GADL1: variants seen among roughly 807,000 people sequenced by gnomAD.
The protein encoded by GADL1 is GAD like acidic amino acid decarboxylase 1, also known as acidic amino acid decarboxylase GADL1.
A neutral mutation model predicts 69.5 loss-of-function variants in GADL1; 71 were observed. That is an observed-to-expected ratio of 1.02 (90% confidence interval 0.84 to 1.25). The LOEUF (loss-of-function observed/expected upper bound fraction) is 1.25, where lower values mean the gene tolerates loss of function less well. GADL1 is among the 50% of genes most tolerant of loss of function. The pLI is 0.00. For missense variants in GADL1, 737 were observed against 631.8 expected, an observed-to-expected ratio of 1.17 and a Z score of -1.79; for synonymous variants, 254 against 214.4, an observed-to-expected ratio of 1.18 and a Z score of -1.62.
chr3:30,777,383 G>GGT (rs1696562000), intron 14 of GADL1, among the ~76,000 whole-genome samples: 1 of 152,156 alleles, frequency 6.6e-6, no homozygotes, highest in Non-Finnish European at 1.5e-5. Flanking sequence ...TGATTTTAAT[G>GGT]GTGCTAGCCC....
At chr3:30,873,247 C>A (rs1698518408) in intron 1 of GADL1, among the ~76,000 whole-genome samples, 1 of 151,800 alleles carries the variant, frequency 6.6e-6, no homozygotes, top group African/African-American at 2.4e-5. Context: ...TACAATGGAC[C>A]AGGTATTGGG....
chr3:30,798,090 G>GC (rs1231906123), intron 12 of GADL1: 2 of 152,114 alleles, frequency 1.3e-5, no homozygotes, highest in Admixed American at 6.6e-5. Context: ...CTTCCACACT[G>GC]CCTTTCCCTT....
At position 30,728,175 on chromosome 3, in the gene GADL1, T is replaced by G; in HGVS notation, c.*67A>C. 7.2e-7 allele frequency: 1 copy of G among 1,395,476 alleles called. No individual in the cohort carries two copies. Among genetic ancestry groups the G allele is most frequent in the South Asian group, 1.2e-5 (1 of 83,438 alleles). The allele number at this position is 1,395,476 out of a possible 1,614,324, so 86.4% of individuals were successfully genotyped here. On this transcript the variant is annotated 3_prime_UTR_variant, in exon 15 of 15. Transcript: ENST00000282538. ...GAAGGGCTGCAATCTACTGTGTATC[T>G]CCAAGATGTTCTGGATCTAAACTCT...
chr3:30,858,928 A>AGT (rs556516605), intron 2 of GADL1, among the ~76,000 whole-genome samples: 471 of 151,990 alleles, frequency 3.1e-3, no homozygotes, highest in African/African-American at 0.011. Flanking sequence ...GAATCCTAAG[A>AGT]GTTTAGTGCT....
chr3:30,803,918 C>T (rs1317108819), intron 11 of GADL1, among the ~76,000 whole-genome samples: 2 of 152,140 alleles, frequency 1.3e-5, no homozygotes, highest in African/African-American at 2.4e-5. Context: ...CAAAGAGAAG[C>T]ACCATATTTA....
chr3:30,831,143 ACT>A (rs1484318799), intron 11 of GADL1, among the ~76,000 whole-genome samples: 4 of 151,714 alleles, frequency 2.6e-5, no homozygotes, highest in South Asian at 2.1e-4. Context: ...TTTTCCAATA[ACT>A]CTTTTAGTTC....
intron 14 of GADL1, among the ~76,000 whole-genome samples, chr3:30,740,744 A>G (rs894674288): frequency 6.6e-6 from 1 of 151,304 alleles, no homozygotes; most frequent in East Asian, 1.9e-4. Flanking sequence ...TGTTCTTTGT[A>G]TATTTTTGTT....
At chr3:30,861,067 C>T (rs756850147) in intron 2 of GADL1, among the ~76,000 whole-genome samples, 15 of 151,858 alleles carry the variant, frequency 9.9e-5, no homozygotes, top group Non-Finnish European at 1.9e-4. Context: ...AAATCTACAA[C>T]CAATAATTGG....
chr3:30,750,870 G>T (rs180930973), intron 14 of GADL1, among the ~76,000 whole-genome samples: 1 of 152,104 alleles, frequency 6.6e-6, no homozygotes, highest in East Asian at 1.9e-4. Context: ...GTCTCTGGTG[G>T]ATCCTATAAT....
chr3:30,760,125 C>A (rs941794235), intron 14 of GADL1, among the ~76,000 whole-genome samples: 5 of 152,128 alleles, frequency 3.3e-5, no homozygotes, highest in Non-Finnish European at 7.4e-5. Context: ...AGAAATAATT[C>A]TTTCAAAGAA....
intron 8 of GADL1, among the ~76,000 whole-genome samples, chr3:30,841,846 G>A (rs1015096404): frequency 2.0e-5 from 3 of 152,136 alleles, no homozygotes; most frequent in African/African-American, 7.2e-5. Context: ...GATGGCAGGA[G>A]CCAATGAAGC....
intron 12 of GADL1, among the ~76,000 whole-genome samples, chr3:30,793,610 T>C (rs1001764969): frequency 3.9e-5 from 6 of 152,176 alleles, no homozygotes; most frequent in Non-Finnish European, 5.9e-5. Flanking sequence ...AAGAACATAT[T>C]AGTATTCTGG....
At chr3:30,884,050 T>C (rs1031214371) in intron 1 of GADL1, among the ~76,000 whole-genome samples, 1 of 151,974 alleles carries the variant, frequency 6.6e-6, no homozygotes, top group Non-Finnish European at 1.5e-5. Flanking sequence ...CTTCCACGTC[T>C]TAGTCTACAA....
intron 11 of GADL1, among the ~76,000 whole-genome samples, chr3:30,815,849 A>C (rs1697458334): frequency 6.6e-6 from 1 of 152,154 alleles, no homozygotes; most frequent in Non-Finnish European, 1.5e-5. Context: ...TGTTTTAGGC[A>C]CACATAAGCT....
chr3:30,834,640 T>C (rs988749078), intron 9 of GADL1, among the ~76,000 whole-genome samples: 1 of 152,112 alleles, frequency 6.6e-6, no homozygotes, highest in Non-Finnish European at 1.5e-5. Context: ...CTATTCAGTG[T>C]ATGATGAGAC....
At chr3:30,836,688 G>T (rs991724330) in intron 9 of GADL1, among the ~76,000 whole-genome samples, 7 of 152,100 alleles carry the variant, frequency 4.6e-5, no homozygotes, top group Admixed American at 3.9e-4. Flanking sequence ...TAAAGGCCAT[G>T]ATTTTAAATA....
chr3:30,730,028 T>C (rs1157398290), intron 14 of GADL1, among the ~76,000 whole-genome samples: 1 of 152,210 alleles, frequency 6.6e-6, no homozygotes, highest in African/African-American at 2.4e-5. Flanking sequence ...CATCAGGTTC[T>C]ACAAACTTCT....
chr3:30,805,680 C>T (rs530051293), intron 11 of GADL1, among the ~76,000 whole-genome samples: 2 of 145,982 alleles, frequency 1.4e-5, no homozygotes, highest in South Asian at 2.3e-4. Context: ...TCTTTTTGGT[C>T]AGTGATCCCA....
intron 1 of GADL1, among the ~76,000 whole-genome samples, chr3:30,881,203 C>T (rs534102442): frequency 1.3e-5 from 2 of 152,048 alleles, no homozygotes; most frequent in African/African-American, 4.8e-5. Context: ...TGCTTGTATA[C>T]ATTTACATAA....
Sources: gnomAD v4.1 joint callset for allele counts (sites outside exome capture counted in the v4.1 genomes callset) on GRCh38, gnomAD v4.1.1 for gene constraint, MANE v1.5 for transcripts, NCBI Gene and HGNC (gene_info 2026-07-23, HGNC 2026-07-21) for gene names.